The following HMCN1 variants were observed in gnomAD, a reference collection of about 807,000 sequenced individuals.
The protein encoded by HMCN1 is hemicentin-1.
In HMCN1, 321 loss-of-function variants were observed where a neutral mutation model predicts 625.9. The ratio of observed to expected loss-of-function variants is 0.51; its 90% CI spans 0.47 to 0.56. The LOEUF is 0.56. HMCN1 is among the 20% of genes least tolerant of loss of function. The pLI is 0.00. For synonymous variants in HMCN1, 2,425 were observed against 2,417.6 expected, an observed-to-expected ratio of 1.00 and a Z score of -0.09; for missense variants, 6,588 against 6,887.3, an observed-to-expected ratio of 0.96 and a Z score of 1.54.
At chr1:185,757,339 C>G (rs1655199027) in intron 1 of HMCN1, among the ~76,000 whole-genome samples, 1 of 152,162 alleles carries the variant, frequency 6.6e-6, no homozygotes, top group South Asian at 2.1e-4. Context: ...GGCCCGATCG[C>G]CTCTCTCTGC....
chr1:185,987,273 A>C (rs897218547), intron 19 of HMCN1, among the ~76,000 whole-genome samples, 159 bp from the exon 20 acceptor site: 1 of 152,142 alleles, frequency 6.6e-6, no homozygotes, highest in African/African-American at 2.4e-5. Flanking sequence ...TGTTTAGCAC[A>C]CTCCTTTACA....
chr1:185,932,603 T>C (rs1667605018), intron 10 of HMCN1, among the ~76,000 whole-genome samples: 1 of 152,024 alleles, frequency 6.6e-6, no homozygotes, highest in Non-Finnish European at 1.5e-5. Context: ...CAAAACTAAC[T>C]AGAGCTAACA....
At chr1:185,800,102 C>T (rs114528428) in intron 1 of HMCN1, among the ~76,000 whole-genome samples, 147 of 152,296 alleles carry the variant, frequency 9.7e-4, no homozygotes, top group African/African-American at 3.1e-3. Context: ...GAAAGAGGGG[C>T]GGCCCAGGCT....
chr1:185,977,920 C>G lies in HMCN1; in HGVS notation c.2505C>G (p.Phe835Leu), dbSNP rs745747133. The G allele has an allele frequency of 1.2e-6, 2 of 1,613,424 alleles. No homozygotes were observed. Among genetic ancestry groups the G allele is most frequent in the South Asian group, 2.2e-5 (2 of 91,076 alleles). ...KWRRLDNMPI[F>L]SRPFSVSSIS... ...GAAGATTAGACAACATGCCAATTTTCTCAAGACCTTTTTCAGTTAGTTCCA... is the reference window on the plus strand; with the variant it reads ...GAAGATTAGACAACATGCCAATTTTGTCAAGACCTTTTTCAGTTAGTTCCA... The change falls in exon 16 of 107, where the codon TTC becomes TTG. Residue 835 changes from phenylalanine to leucine, a missense_variant. By Grantham distance (22) the Phe-to-Leu change is conservative. This residue lies in a region of HMCN1 where 4,628 missense variants were observed against 4,853.1 expected (regional missense o/e 0.95). Coordinates refer to ENST00000271588, the MANE Select transcript of HMCN1 (RefSeq NM_031935.3).
chr1:185,739,366 A>C (rs762733067), intron 1 of HMCN1, among the ~76,000 whole-genome samples: 1 of 152,134 alleles, frequency 6.6e-6, no homozygotes, highest in Non-Finnish European at 1.5e-5. Flanking sequence ...TGCTTTTTAC[A>C]TAGCACTCAA....
chr1:186,003,892 A>G, intron 29 of HMCN1, 48 bp downstream of exon 29: 1 of 1,588,688 alleles, frequency 6.3e-7, no homozygotes, highest in African/African-American at 1.3e-5. Flanking sequence ...GATAGGAAAA[A>G]GATGTGAAAA....
chr1:185,750,905 C>A (rs1654770124), intron 1 of HMCN1, among the ~76,000 whole-genome samples: 1 of 151,314 alleles, frequency 6.6e-6, no homozygotes, highest in Non-Finnish European at 1.5e-5. Context: ...AAATGTTTAT[C>A]CTTGATTTGG....
intron 11 of HMCN1, among the ~76,000 whole-genome samples, chr1:185,946,900 A>G (rs1315521616): frequency 6.6e-6 from 1 of 152,188 alleles, no homozygotes; most frequent in Non-Finnish European, 1.5e-5. Context: ...TAGATTCTTA[A>G]GAAAAGAAAT....
intron 1 of HMCN1, among the ~76,000 whole-genome samples, chr1:185,838,892 A>T: frequency 6.6e-6 from 1 of 152,208 alleles, no homozygotes; most frequent in Non-Finnish European, 1.5e-5. Context: ...GAATTGAAGC[A>T]AGTATTTAGG....
At chr1:185,978,120 T>C (rs1163974211) in intron 16 of HMCN1, 139 bp downstream of exon 16, 1 of 638,938 alleles carries the variant, frequency 1.6e-6, no homozygotes, top group Non-Finnish European at 2.7e-6. Context: ...TACTTTGAAA[T>C]AGTACTGGCA....
At chr1:186,185,008 G>A (rs1015933721) in intron 105 of HMCN1, among the ~76,000 whole-genome samples, 1 of 152,106 alleles carries the variant, frequency 6.6e-6, no homozygotes. Context: ...ACCCTGAGGA[G>A]AGGGTAATAG....
chr1:185,977,155 T>C (rs1489998791), intron 15 of HMCN1, among the ~76,000 whole-genome samples: 1 of 152,114 alleles, frequency 6.6e-6, no homozygotes, highest in African/African-American at 2.4e-5. Flanking sequence ...CTGACTAAGA[T>C]ATTAAACTCT....
chr1:186,110,988 T>TTTTTTTTTTTTTTTTTTTG (rs1558231195), intron 71 of HMCN1, among the ~76,000 whole-genome samples: 3 of 117,224 alleles, frequency 2.6e-5, no homozygotes, highest in Non-Finnish European at 5.0e-5. Flanking sequence ...TTTTTTTTTT[T>TTTTTTTTTTTTTTTTTTTG]TTTTTTTTTT....
In HMCN1 at chr1:186,110,977, CTTTTTTTT is replaced by C. The variant is rs557887846; in HGVS notation, c.10990-1821_10990-1814del. The stretch of plus-strand genomic sequence containing the variant: ...TACGGAAGAAAAACCAGAGAAAATT[CTTTTTTTT>C]TTTTTTTTTTTTTGAGACGGAGTCT... On this transcript the variant is annotated intron_variant, in intron 71 of 106. Transcript: ENST00000271588. 5.8e-4 allele frequency among the ~76,000 whole-genome samples: 36 copies of C among 61,646 alleles called. 1 individual carries two copies. The highest frequency in any genetic ancestry group is 1.6e-3 in the Admixed American group (8 of 4,918). 40.4% of individuals were successfully genotyped at this position (61,646 alleles called of 152,430 possible).
chr1:185,796,273 C>T (rs1658368142), intron 1 of HMCN1, among the ~76,000 whole-genome samples: 1 of 152,160 alleles, frequency 6.6e-6, no homozygotes, highest in Non-Finnish European at 1.5e-5. Flanking sequence ...CTAATTCCCT[C>T]ATTGATATGA....
At position 186,137,071 on chromosome 1, in the gene HMCN1, A is replaced by T. The variant is rs1426433024; in HGVS notation, c.13582+134A>T. On this transcript the variant is annotated intron_variant, in intron 87 of 106. Coordinates refer to ENST00000271588, the MANE Select transcript of HMCN1 (RefSeq NM_031935.3). Reference sequence around the variant, plus strand: ...TAGATGATGGGGAGAGGACAAAATCATCAAAATTTACAGATTGAAGGGCCT... The same window carrying T: ...TAGATGATGGGGAGAGGACAAAATCTTCAAAATTTACAGATTGAAGGGCCT... 10 of 1,096,030 alleles carry T rather than the reference A, an allele frequency of 9.1e-6. No individual in the cohort carries two copies. In the African/African-American group the frequency reaches 1.5e-4, roughly 17 times the overall value. 67.9% of individuals were successfully genotyped at this position (1,096,030 alleles called of 1,614,324 possible).
intron 11 of HMCN1, among the ~76,000 whole-genome samples, chr1:185,953,490 A>C (rs553339514): frequency 2.6e-5 from 4 of 151,982 alleles, no homozygotes; most frequent in African/African-American, 9.7e-5. Flanking sequence ...CTACCAGAAA[A>C]TACCAGAAAA....
At position 185,925,037 on chromosome 1, in the gene HMCN1, T is replaced by C. The variant is rs778524547; in HGVS notation, c.1286-10T>C. ...AAGTTTTTTGTTTTTGTTTTTGTTTTTTTTCCTAGATGCTCCCAAAGTTAC... is the reference window on the plus strand; with the variant it reads ...AAGTTTTTTGTTTTTGTTTTTGTTTCTTTTCCTAGATGCTCCCAAAGTTAC... On this transcript the variant is annotated splice_polypyrimidine_tract_variant and intron_variant, in intron 8 of 106. Coordinates refer to ENST00000271588, the MANE Select transcript of HMCN1 (RefSeq NM_031935.3). 20 of 1,596,242 alleles carry C rather than the reference T, an allele frequency of 1.3e-5. No individual in the cohort carries two copies. The South Asian group carries it at 1.7e-4, about 13-fold the overall frequency.
Position 186,178,690 on chromosome 1 carries a change from A to C in HMCN1, c.16218A>C (p.Thr5406=), listed in dbSNP as rs1410028894. 1.7e-5 allele frequency: 27 copies of C among 1,614,042 alleles called. No homozygotes were observed. The East Asian group carries it at 5.8e-4, about 35-fold the overall frequency. Residue 5406 remains threonine (T), a synonymous_variant, in exon 104 of 107, where the codon ACA becomes ACC. Transcript: ENST00000271588. Reference sequence around the variant, plus strand: ...ACTCAGAGTATAGAAACAGCAGAACATCTCTCTCCAGGACTAGAAGGACTA... The same window carrying C: ...ACTCAGAGTATAGAAACAGCAGAACCTCTCTCTCCAGGACTAGAAGGACTA... ...SSYSEYRNSR[T]SLSRTRRTIR...
Sources: allele counts gnomAD v4.1 joint callset (sites outside exome capture counted in the v4.1 genomes callset), GRCh38; gene constraint gnomAD v4.1.1; regional missense constraint gnomAD v4.1.1; transcripts MANE v1.5; gene names NCBI Gene and HGNC (gene_info 2026-07-23, HGNC 2026-07-21).